The following B3GAT2 variants were observed in gnomAD, a reference collection of about 807,000 sequenced individuals.
The protein encoded by B3GAT2 is galactosylgalactosylxylosylprotein 3-beta-glucuronosyltransferase 2.
A neutral mutation model predicts 27.8 loss-of-function variants in B3GAT2; 26 were observed. The observed-to-expected ratio is 0.93, with a 90% CI of 0.68 to 1.30. The LOEUF is 1.30. B3GAT2 is among the 50% of genes most tolerant of loss of function. The pLI is 0.00. For synonymous variants in B3GAT2, 218 were observed against 195.1 expected, an observed-to-expected ratio of 1.12 and a Z score of -0.98; for missense variants, 458 against 459.0, an observed-to-expected ratio of 1.00 and a Z score of 0.02.
chr6:70,947,023 T>C (rs1347844449), intron 1 of B3GAT2, among the ~76,000 whole-genome samples: 2 of 152,072 alleles, frequency 1.3e-5, no homozygotes, highest in Non-Finnish European at 2.9e-5. Flanking sequence ...AAGATGTTCT[T>C]TGAAACCAAC....
At chr6:70,874,436 C>T (rs1375429734) in intron 2 of B3GAT2, among the ~76,000 whole-genome samples, 2 of 152,176 alleles carry the variant, frequency 1.3e-5, no homozygotes, top group African/African-American at 4.8e-5. Context: ...AGGCAATGTA[C>T]AACTGCTTTA....
intron 1 of B3GAT2, among the ~76,000 whole-genome samples, chr6:70,952,845 C>T (rs1765597586): frequency 6.6e-6 from 1 of 152,170 alleles, no homozygotes; most frequent in East Asian, 1.9e-4. Flanking sequence ...AAAGGAAAGG[C>T]TGAAAATTAG....
intron 1 of B3GAT2, among the ~76,000 whole-genome samples, chr6:70,914,739 C>CCATTTCCCT (rs1265247750): frequency 6.9e-6 from 1 of 144,268 alleles, no homozygotes; most frequent in Non-Finnish European, 1.5e-5. Flanking sequence ...GATCCTAATC[C>CCATTTCCCT]AAATCCATAA....
At chr6:70,891,912 A>T (rs1772295194) in intron 2 of B3GAT2, among the ~76,000 whole-genome samples, 1 of 152,164 alleles carries the variant, frequency 6.6e-6, no homozygotes, top group African/African-American at 2.4e-5. Context: ...TTTTTAAGTT[A>T]GAATTAGAAC....
chr6:70,868,517 G>T (rs1771887244), intron 2 of B3GAT2, among the ~76,000 whole-genome samples: 1 of 152,114 alleles, frequency 6.6e-6, no homozygotes. Context: ...TCTAATCTCA[G>T]CAAGGCTGTT....
At chr6:70,914,571 G>A (rs761799008) in intron 1 of B3GAT2, among the ~76,000 whole-genome samples, 28 of 151,962 alleles carry the variant, frequency 1.8e-4, no homozygotes, top group Non-Finnish European at 3.7e-4. Context: ...TTTGGAGAAA[G>A]CATTGATTGT....
intron 2 of B3GAT2, among the ~76,000 whole-genome samples, chr6:70,888,338 C>T (rs529347526): frequency 3.2e-4 from 49 of 152,078 alleles, no homozygotes; most frequent in African/African-American, 1.1e-3. Flanking sequence ...TAAATTACGA[C>T]TCAAAGGATA....
At chr6:70,888,081 G>A (rs963115818) in intron 2 of B3GAT2, among the ~76,000 whole-genome samples, 1 of 152,148 alleles carries the variant, frequency 6.6e-6, no homozygotes, top group Non-Finnish European at 1.5e-5. Context: ...GAGGTGGAGT[G>A]GACACGGGAG....
chr6:70,924,293 T>C (rs905688103), intron 1 of B3GAT2, among the ~76,000 whole-genome samples: 70 of 152,200 alleles, frequency 4.6e-4, no homozygotes, highest in African/African-American at 1.6e-3. Flanking sequence ...AAATTCCATA[T>C]TTATGGATTG....
rs934483398 is a variant in B3GAT2, at chr6:70,857,596, C to G, written c.*4067G>C. ...ACTTCCCTGTTTCGTACTGGGGGAC[C>G]AGTGGTACAAATCAGCAATAAAACA... On this transcript the variant is annotated 3_prime_UTR_variant, in exon 4 of 4. Coordinates refer to ENST00000230053, the MANE Select transcript of B3GAT2 (RefSeq NM_080742.3). 7.1e-5 allele frequency: 19 copies of G among 267,450 alleles called. No homozygotes were observed. Among genetic ancestry groups the G allele is most frequent in the African/African-American group, 3.8e-4 (17 of 44,732 alleles). The allele number at this position is 267,450 out of a possible 1,614,324, so 16.6% of individuals were successfully genotyped here.
chr6:70,903,118 A>G (rs573608523), intron 1 of B3GAT2, among the ~76,000 whole-genome samples: 84 of 152,198 alleles, frequency 5.5e-4, no homozygotes, highest in African/African-American at 1.8e-3. Context: ...TATACAATAT[A>G]AATATATACC....
chr6:70,955,848 G>A lies in B3GAT2; in HGVS notation c.582C>T (p.Leu194=), dbSNP rs1224033507. 6.3e-7 allele frequency: 1 copy of A among 1,597,690 alleles called. No individual in the cohort carries two copies. The highest frequency in any genetic ancestry group is 8.5e-7 in the Non-Finnish European group (1 of 1,173,250). ...ADDDNTYSLE[L]FQEMRTTRKV... Reference sequence around the variant, plus strand: ...GCAGGCTGGCCTTTACCTCCTGGAAGAGCTCCAGACTATAGGTGTTGTCGT... The same window carrying A: ...GCAGGCTGGCCTTTACCTCCTGGAAAAGCTCCAGACTATAGGTGTTGTCGT... Residue 194 remains leucine (L), a synonymous_variant, in exon 1 of 4, where the codon CTC becomes CTT. Coordinates refer to ENST00000230053, the MANE Select transcript of B3GAT2 (RefSeq NM_080742.3).
chr6:70,879,134 T>C (rs1218581529), intron 2 of B3GAT2, among the ~76,000 whole-genome samples: 1 of 152,240 alleles, frequency 6.6e-6, no homozygotes, highest in Non-Finnish European at 1.5e-5. Context: ...TCCTATTTTT[T>C]AGTTTCTTAT....
At chr6:70,951,841 A>G (rs911502669) in intron 1 of B3GAT2, among the ~76,000 whole-genome samples, 2 of 152,146 alleles carry the variant, frequency 1.3e-5, no homozygotes, top group Non-Finnish European at 2.9e-5. Context: ...ATAAAATACA[A>G]GGGGCACATT....
intron 2 of B3GAT2, among the ~76,000 whole-genome samples, chr6:70,888,886 G>A (rs1212821941): frequency 6.6e-6 from 1 of 152,118 alleles, no homozygotes; most frequent in Non-Finnish European, 1.5e-5. Context: ...GACCTTTCCC[G>A]AAACTCCCCC....
intron 1 of B3GAT2, among the ~76,000 whole-genome samples, chr6:70,903,027 A>G (rs941962574): frequency 6.6e-6 from 1 of 152,132 alleles, no homozygotes; most frequent in Admixed American, 6.6e-5. Flanking sequence ...ACAGATTTTT[A>G]AGTGTTCTTA....
At chr6:70,934,528 C>G (rs1773111507) in intron 1 of B3GAT2, among the ~76,000 whole-genome samples, 1 of 152,144 alleles carries the variant, frequency 6.6e-6, no homozygotes, top group African/African-American at 2.4e-5. Context: ...GCCAATGTCT[C>G]TAATGAATGG....
rs978701566 is a variant in B3GAT2 at position 70,952,355 on chromosome 6, A to AT, written c.591+3483dup. Among the ~76,000 whole-genome samples, 59 of 150,058 alleles carry AT rather than the reference A, an allele frequency of 3.9e-4. 1 individual carries two copies. The East Asian group carries it at 9.4e-3, about 24-fold the overall frequency. ...TTTTTTTTCTTGCTTGGAAAGTGCTATTTTTTTTTAGTATTTCAATTCAAT... is the reference window on the plus strand; with the variant it reads ...TTTTTTTTCTTGCTTGGAAAGTGCTATTTTTTTTTTAGTATTTCAATTCAAT... On this transcript the variant is annotated intron_variant, in intron 1 of 3. Coordinates refer to ENST00000230053, the MANE Select transcript of B3GAT2 (RefSeq NM_080742.3).
chr6:70,860,188 T>A lies in B3GAT2; in HGVS notation c.*1475A>T, dbSNP rs1242479708. ...TAAGCCTCTTGAACTAAGCCTTTTA[T>A]ATGTTTCACAGATGAATCAGCAGAT... On this transcript the variant is annotated 3_prime_UTR_variant, in exon 4 of 4. Transcript: ENST00000230053. 6.3e-7 allele frequency: 1 copy of A among 1,599,002 alleles called. No individual in the cohort carries two copies. Among genetic ancestry groups the A allele is most frequent in the African/African-American group, 1.3e-5 (1 of 74,312 alleles).
Sources: gnomAD v4.1 joint callset for allele counts (sites outside exome capture counted in the v4.1 genomes callset) on GRCh38, gnomAD v4.1.1 for gene constraint, MANE v1.5 for transcripts, NCBI Gene and HGNC (gene_info 2026-07-23, HGNC 2026-07-21) for gene names.